Variants in NRG1 observed in about 807,000 individuals in gnomAD.
NRG1 encodes neuregulin 1.
In NRG1, 18 loss-of-function variants were observed where a neutral mutation model predicts 63.8. The observed-to-expected ratio is 0.28, with a 90% CI of 0.19 to 0.42. NRG1 has a LOEUF of 0.42. Ranked by LOEUF, NRG1 falls within the 10% of genes least tolerant of loss-of-function variation. The pLI is 1.00. For missense variants in NRG1, 762 were observed against 814.7 expected (o/e 0.94, Z 0.79); for synonymous variants, 302 against 301.3 (o/e 1.00, Z -0.02).
At chr8:32,747,732 G>GTGTGTATATATATATATA (rs1264111970) in intron 7 of NRG1, among the ~76,000 whole-genome samples, 11 of 132,118 alleles carry the variant, frequency 8.3e-5, no homozygotes, top group African/African-American at 2.7e-4. Flanking sequence ...ATGTGTGTGT[G>GTGTGTATATATATATATA]TATATATATA....
intron 1 of NRG1, among the ~76,000 whole-genome samples, chr8:32,109,283 A>G (rs1340664276): frequency 1.3e-5 from 2 of 152,190 alleles, no homozygotes; most frequent in East Asian, 1.9e-4. Flanking sequence ...CTGTTAGTAT[A>G]GAGGCACAAT....
At chr8:32,267,615 A>G (rs1356640262) in intron 1 of NRG1, among the ~76,000 whole-genome samples, 1 of 152,224 alleles carries the variant, frequency 6.6e-6, no homozygotes, top group Admixed American at 6.5e-5. Flanking sequence ...TACCATGAGC[A>G]GTCAATAATT....
intron 5 of NRG1, among the ~76,000 whole-genome samples, chr8:32,714,762 A>G (rs1370026152): frequency 6.6e-6 from 1 of 152,188 alleles, no homozygotes; most frequent in Non-Finnish European, 1.5e-5. Flanking sequence ...GATCACAGGC[A>G]TGCGCATGCA....
chr8:32,325,779 T>C (rs755685338), intron 1 of NRG1, among the ~76,000 whole-genome samples: 10 of 152,230 alleles, frequency 6.6e-5, no homozygotes, highest in Non-Finnish European at 1.3e-4. Context: ...TTAGGTGATA[T>C]CAAAGGTTCC....
chr8:31,967,594 G>A (rs1806569407), intron 1 of NRG1, among the ~76,000 whole-genome samples: 1 of 152,178 alleles, frequency 6.6e-6, no homozygotes, highest in Non-Finnish European at 1.5e-5. Flanking sequence ...GGCTTAGCAT[G>A]CAATCAGGCA....
chr8:31,892,353 ATTTCTGT>A (rs960455282), intron 1 of NRG1, among the ~76,000 whole-genome samples: 2 of 151,900 alleles, frequency 1.3e-5, no homozygotes, highest in Non-Finnish European at 2.9e-5. Flanking sequence ...TTTTTGTTTC[ATTTCTGT>A]TTTAGTAACC....
intron 1 of NRG1, among the ~76,000 whole-genome samples, chr8:32,457,459 AT>A (rs1233782593): frequency 6.6e-6 from 1 of 152,084 alleles, no homozygotes; most frequent in Non-Finnish European, 1.5e-5. Context: ...CCTGTCACTG[AT>A]TTTTTTCTCC....
At chr8:32,748,339 G>GCACGCACA (rs1827919863) in intron 7 of NRG1, among the ~76,000 whole-genome samples, 1 of 128,354 alleles carries the variant, frequency 7.8e-6, no homozygotes. Context: ...GCGCGCGCGC[G>GCACGCACA]CACACACACA....
chr8:32,634,735 C>T lies in NRG1; in HGVS notation c.502+17850C>T, dbSNP rs140857605. 1.7e-3 allele frequency among the ~76,000 whole-genome samples: 257 copies of T among 152,210 alleles called. 1 individual carries two copies. Among genetic ancestry groups the T allele is most frequent in the African/African-American group, 5.9e-3 (244 of 41,530 alleles). On this transcript the variant is annotated intron_variant, in intron 5 of 11. Transcript: ENST00000356819. The stretch of plus-strand genomic sequence containing the variant: ...ATAAAAATTTTATTGTAGAGCCCAA[C>T]AACAAAAACAATGATCTCTTATGTA...
At chr8:31,677,646 G>A (rs768478404) in intron 1 of NRG1, among the ~76,000 whole-genome samples, 25 of 152,094 alleles carry the variant, frequency 1.6e-4, no homozygotes, top group Non-Finnish European at 3.7e-4. Context: ...CAAATCCACA[G>A]TAAAATTTAA....
chr8:32,557,180 C>T (rs1355906200), intron 1 of NRG1, among the ~76,000 whole-genome samples: 8 of 151,786 alleles, frequency 5.3e-5, no homozygotes, highest in Admixed American at 2.0e-4. Context: ...TAATTTTTTT[C>T]GTATTTTTAG....
At chr8:32,097,009 C>A (rs1427847428) in intron 1 of NRG1, among the ~76,000 whole-genome samples, 2 of 152,194 alleles carry the variant, frequency 1.3e-5, no homozygotes, top group African/African-American at 2.4e-5. Flanking sequence ...ACTCCCTCAT[C>A]CTTCCCTGCC....
chr8:31,713,360 C>T (rs867401987), intron 1 of NRG1, among the ~76,000 whole-genome samples: 17 of 152,110 alleles, frequency 1.1e-4, no homozygotes, highest in Admixed American at 2.0e-4. Context: ...TCGTGATCCG[C>T]CGGCCTCGGC....
At chr8:32,625,818 G>A (rs565176533) in intron 5 of NRG1, among the ~76,000 whole-genome samples, 12 of 138,028 alleles carry the variant, frequency 8.7e-5, no homozygotes, top group Non-Finnish European at 1.5e-4. Flanking sequence ...TTCTTGAGAC[G>A]GAGTCTAGCT....
chr8:32,211,665 A>G (rs570543252), intron 1 of NRG1, among the ~76,000 whole-genome samples: 54 of 152,254 alleles, frequency 3.5e-4, no homozygotes, highest in African/African-American at 1.3e-3. Context: ...ACATCTTTCC[A>G]TATTTTTATT....
At chr8:31,948,829 A>G (rs1252065651) in intron 1 of NRG1, among the ~76,000 whole-genome samples, 5 of 152,148 alleles carry the variant, frequency 3.3e-5, no homozygotes, top group Non-Finnish European at 5.9e-5. Context: ...AGGATGTGCC[A>G]TGGGTGGCCA....
chr8:32,001,393 C>T (rs1812907112), intron 1 of NRG1, among the ~76,000 whole-genome samples: 1 of 151,908 alleles, frequency 6.6e-6, no homozygotes, highest in Non-Finnish European at 1.5e-5. Context: ...ACTTTGTTCC[C>T]CCTTTGCCTT....
chr8:31,832,050 C>A (rs1377063586), intron 1 of NRG1, among the ~76,000 whole-genome samples: 2 of 152,126 alleles, frequency 1.3e-5, no homozygotes, highest in Admixed American at 1.3e-4. Flanking sequence ...GAAAGACAGC[C>A]CTAATTGAGG....
intron 1 of NRG1, among the ~76,000 whole-genome samples, chr8:31,933,561 C>T (rs1835040748): frequency 1.3e-5 from 2 of 152,246 alleles, no homozygotes; most frequent in African/African-American, 4.8e-5. Context: ...GGATTACAGG[C>T]GTGAGCCACT....
Sources: gnomAD v4.1 joint callset for allele counts (sites outside exome capture counted in the v4.1 genomes callset) on GRCh38, gnomAD v4.1.1 for gene constraint, MANE v1.5 for transcripts, NCBI Gene and HGNC (gene_info 2026-07-23, HGNC 2026-07-21) for gene names.